Variants in ZNF575 observed in about 807,000 individuals in gnomAD.
ZNF575 encodes the protein zinc finger protein 575.
ZNF575 carries 17 observed loss-of-function variants against 17.5 expected under a neutral mutation model. That is an observed-to-expected ratio of 0.97 (90% CI 0.66 to 1.45). ZNF575 has a LOEUF of 1.45. Among genes scored for constraint, ZNF575 ranks in the 40% most tolerant of loss-of-function variants. ZNF575 has a pLI of 0.00. For missense variants in ZNF575, 352 were observed against 359.2 expected, an observed-to-expected ratio of 0.98 and a Z score of 0.16; for synonymous variants, 146 against 158.3, an observed-to-expected ratio of 0.92 and a Z score of 0.58.
At position 43,535,829 on chromosome 19, in the gene ZNF575, C is replaced by T. The variant is rs191722249; in HGVS notation, c.*142C>T. 7.0e-5 allele frequency: 68 copies of T among 965,156 alleles called. No homozygotes were observed. In the East Asian group the frequency reaches 8.2e-4, roughly 12 times the overall value. 59.8% of individuals were successfully genotyped at this position (965,156 alleles called of 1,614,324 possible). A position where few individuals can be genotyped will look rare whatever the true frequency, so the allele number is the denominator to read the frequency against. Reference sequence around the variant, plus strand: ...AGGGATTGGCCATTTATACTGGGCTCGAGCTCAGAAGCCCGAGGAACTCTT... The same window carrying T: ...AGGGATTGGCCATTTATACTGGGCTTGAGCTCAGAAGCCCGAGGAACTCTT... On this transcript the variant is annotated 3_prime_UTR_variant, in exon 4 of 4. Coordinates refer to ENST00000314228, the MANE Select transcript of ZNF575 (RefSeq NM_174945.3).
intron 3 of ZNF575, 43 bp downstream of exon 3, chr19:43,534,544 C>G (rs993559734): frequency 7.2e-7 from 1 of 1,393,608 alleles, no homozygotes; most frequent in Non-Finnish European, 9.4e-7. Flanking sequence ...TCTCCAGGAA[C>G]GGGGGCCAAA....
chr19:43,533,587 G>A (rs1331261239), intron 1 of ZNF575, 66 bp downstream of exon 1: 1 of 152,386 alleles, frequency 6.6e-6, no homozygotes, highest in Non-Finnish European at 1.5e-5. Flanking sequence ...CACCCCGAGG[G>A]AGATCGGTTG....
In ZNF575 at chr19:43,535,969, C is replaced by G; in HGVS notation, c.*282C>G. ...GCAAAGGTAAAAAGTCTGCTACTAT[C>G]GTGGGTTGATGAGGATTGTGGGCAA... On this transcript the variant is annotated 3_prime_UTR_variant, in exon 4 of 4. Transcript: ENST00000314228. 1 of 445,968 alleles carries G rather than the reference C, an allele frequency of 2.2e-6. No homozygotes were observed. Among genetic ancestry groups the G allele is most frequent in the Non-Finnish European group, 4.0e-6 (1 of 247,426 alleles). The allele number at this position is 445,968 out of a possible 1,614,324, so 27.6% of individuals were successfully genotyped here.
upstream of ZNF575, chr19:43,532,030 G>T (rs966878597): frequency 8.6e-5 from 37 of 428,186 alleles, no homozygotes; most frequent in African/African-American, 7.4e-4. Context: ...TTGGGTTTTT[G>T]GTTTTTTTGT....
In ZNF575 at chr19:43,535,268, G is replaced by A; in HGVS notation, c.319G>A (p.Ala107Thr). The change falls in exon 4 of 4, where the codon GCA becomes ACA. Residue 107 changes from alanine to threonine, a missense_variant. By Grantham distance (58) the Ala-to-Thr change is moderately conservative. Coordinates refer to ENST00000314228, the MANE Select transcript of ZNF575 (RefSeq NM_174945.3). The stretch of plus-strand genomic sequence containing the variant: ...GGCCTTCTCCTACCCCTCCAAGCTG[G>A]CAGCCCACCGCCTCACGCACAGCGG... Reference protein sequence around the residue: ...PKAFSYPSKLAAHRLTHSGAR... With the variant: ...PKAFSYPSKLTAHRLTHSGAR... 4 of 1,612,140 alleles carry A rather than the reference G, an allele frequency of 2.5e-6. No individual in the cohort carries two copies. Among genetic ancestry groups the A allele is most frequent in the Non-Finnish European group, 3.4e-6 (4 of 1,179,426 alleles).
rs1972403424 is a variant in ZNF575, at chr19:43,535,399, C to T, written c.450C>T (p.Pro150=). The change falls in exon 4 of 4, where the codon CCC becomes CCT. Residue 150 remains proline, a synonymous_variant. Coordinates refer to ENST00000314228, the MANE Select transcript of ZNF575 (RefSeq NM_174945.3). ...THAPTRPYPC[P]DCPKSFCYPS... ...CACCCACCCGCCCCTACCCGTGCCC[C>T]GACTGCCCCAAGTCCTTCTGCTACC... 6.3e-7 allele frequency: 1 copy of T among 1,583,182 alleles called. No individual in the cohort carries two copies. The highest frequency in any genetic ancestry group is 8.6e-7 in the Non-Finnish European group (1 of 1,159,460).
In ZNF575 at chr19:43,534,326, C is replaced by T; in HGVS notation, c.-86-11C>T. 8.5e-7 allele frequency: 1 copy of T among 1,182,390 alleles called. No homozygotes were observed. The highest frequency in any genetic ancestry group is 1.3e-5 in the South Asian group (1 of 75,834). The allele number at this position is 1,182,390 out of a possible 1,614,324, so 73.2% of individuals were successfully genotyped here. ...GACCTTGCTCCTAAACAGTGTGATC[C>T]CTCATTTTAGGCCCTCCAACCCTAT... is the stretch of plus-strand genomic sequence containing the variant. On this transcript the variant is annotated splice_polypyrimidine_tract_variant and intron_variant, in intron 2 of 3. Transcript: ENST00000314228.
At chr19:43,532,110 C>G (rs762967092), upstream of ZNF575, among the ~76,000 whole-genome samples, 2 of 151,956 alleles carry the variant, frequency 1.3e-5, no homozygotes, top group Non-Finnish European at 2.9e-5. Flanking sequence ...CTCACTGCAA[C>G]CTCTGCCTCC....
chr19:43,535,288 C>A lies in ZNF575; in HGVS notation c.339C>A (p.His113Gln). The change falls in exon 4 of 4, where the codon CAC becomes CAA. Residue 113 changes from histidine (H) to glutamine (Q), a missense_variant. By Grantham distance (24) the His-to-Gln change is conservative (BLOSUM62 0). Transcript: ENST00000314228. The stretch of plus-strand genomic sequence containing the variant: ...AGCTGGCAGCCCACCGCCTCACGCA[C>A]AGCGGCGCCCGCCCGCACCCGTGCC... ...PSKLAAHRLT[H>Q]SGARPHPCPH... 1.2e-6 allele frequency: 2 copies of A among 1,612,084 alleles called. No homozygotes were observed. Among genetic ancestry groups the A allele is most frequent in the Non-Finnish European group, 1.7e-6 (2 of 1,179,536 alleles).
intron 2 of ZNF575, 200 bp downstream of exon 2, chr19:43,534,102 T>C: frequency 2.3e-6 from 1 of 428,528 alleles, no homozygotes. Context: ...ACTCTGCGCA[T>C]AGGCCCCGCC....
At position 43,535,247 on chromosome 19, in the gene ZNF575, T is replaced by G. The variant is rs141825879; in HGVS notation, c.298T>G (p.Phe100Val). The stretch of plus-strand genomic sequence containing the variant: ...CCCATGCCCAGACTGCCCCAAGGCC[T>G]TCTCCTACCCCTCCAAGCTGGCAGC... ...PHPCPDCPKAFSYPSKLAAHR... is the reference protein window; with the variant it reads ...PHPCPDCPKAVSYPSKLAAHR... The change falls in exon 4 of 4, where the codon TTC becomes GTC. Residue 100 changes from phenylalanine to valine, a missense_variant. Transcript: ENST00000314228. 70 of 1,611,402 alleles carry G rather than the reference T, an allele frequency of 4.3e-5. No homozygotes were observed. In the African/African-American group the frequency reaches 8.0e-4, roughly 18 times the overall value.
upstream of ZNF575, chr19:43,531,886 T>C: frequency 1.6e-6 from 1 of 614,318 alleles, no homozygotes; most frequent in Non-Finnish European, 3.0e-6. Context: ...CCTGGGTGAG[T>C]CCCCACTCCC....
chr19:43,533,643 T>G lies in ZNF575; in HGVS notation c.-195+122T>G, dbSNP rs10424743. 2.5e-3 allele frequency: 375 copies of G among 152,576 alleles called. 3 individuals carry two copies. The highest frequency in any genetic ancestry group is 8.5e-3 in the African/African-American group (355 of 41,570). 9.5% of individuals were successfully genotyped at this position (152,576 alleles called of 1,614,324 possible). A position where few individuals can be genotyped will look rare whatever the true frequency, so the allele number is the denominator to read the frequency against. ...TGGAGATGCTGGAGGGACTGTGCAT[T>G]GGTGCCAGAGCCTCGGGAGGGTGCA... On this transcript the variant is annotated intron_variant, in intron 1 of 3. Coordinates refer to ENST00000314228, the MANE Select transcript of ZNF575 (RefSeq NM_174945.3).
chr19:43,534,696 C>T (rs765216609), intron 3 of ZNF575, among the ~76,000 whole-genome samples, 195 bp downstream of exon 3: 1 of 152,170 alleles, frequency 6.6e-6, no homozygotes, highest in Non-Finnish European at 1.5e-5. Flanking sequence ...TGCTAAGGCT[C>T]AGGAAATGAG....
At chr19:43,534,237 C>T (rs1228753978) in intron 2 of ZNF575, 100 bp from the exon 3 acceptor site, 18 of 578,816 alleles carry the variant, frequency 3.1e-5, no homozygotes, top group Non-Finnish European at 2.1e-5. Context: ...TAGCCCCGCT[C>T]ACTGTGCTCT....
upstream of ZNF575, among the ~76,000 whole-genome samples, chr19:43,531,236 G>C (rs200403233): frequency 1.3e-5 from 2 of 151,894 alleles, no homozygotes; most frequent in African/African-American, 4.8e-5. Context: ...GGTTACAGTG[G>C]GCTGATATCT....
Position 43,535,742 on chromosome 19 carries a change from G to A in ZNF575, c.*55G>A. ...CCGCCAGCCCTAGCCAGTAAGAGGT[G>A]GGATTTCTAAGACCGACTGTATGAG... On this transcript the variant is annotated 3_prime_UTR_variant, in exon 4 of 4. Coordinates refer to ENST00000314228, the MANE Select transcript of ZNF575 (RefSeq NM_174945.3). 6.6e-7 allele frequency: 1 copy of A among 1,510,422 alleles called. No homozygotes were observed. The highest frequency in any genetic ancestry group is 2.5e-5 in the East Asian group (1 of 40,646). 93.6% of individuals were successfully genotyped at this position (1,510,422 alleles called of 1,614,324 possible).
At position 43,535,373 on chromosome 19, in the gene ZNF575, G is replaced by GCCCCCCC; in HGVS notation, c.425_426insCCCCCCC (p.Thr144ProfsTer127). 1 of 1,575,906 alleles carries GCCCCCCC rather than the reference G, an allele frequency of 6.3e-7. No homozygotes were observed. The highest frequency in any genetic ancestry group is 8.7e-7 in the Non-Finnish European group (1 of 1,155,816). ...GCTGGCGGCTCACCTCTGGACCCAC[G>GCCCCCCC]CACCCACCCGCCCCTACCCGTGCCC... On this transcript the variant is annotated frameshift_variant, in exon 4 of 4. Coordinates refer to ENST00000314228, the MANE Select transcript of ZNF575 (RefSeq NM_174945.3). LOFTEE classifies it high-confidence loss of function.
Position 43,535,630 on chromosome 19 carries a change from ACTG to A in ZNF575, c.684_686del (p.Leu230del). ...GCCAGGCCTTTGGCCAGAGACGCTT[ACTG>A]CTCCTTCATCAACGCAGCCACCACC... is the stretch of plus-strand genomic sequence containing the variant. On this transcript the variant is annotated inframe_deletion, in exon 4 of 4. Coordinates refer to ENST00000314228, the MANE Select transcript of ZNF575 (RefSeq NM_174945.3). The A allele has an allele frequency of 6.2e-7, 1 of 1,613,500 alleles. No individual in the cohort carries two copies. The highest frequency in any genetic ancestry group is 8.5e-7 in the Non-Finnish European group (1 of 1,179,886).
Sources: allele counts gnomAD v4.1 joint callset (sites outside exome capture counted in the v4.1 genomes callset), GRCh38; gene constraint gnomAD v4.1.1; transcripts MANE v1.5; gene names NCBI Gene and HGNC (gene_info 2026-07-23, HGNC 2026-07-21).